Variants in AGAP1 observed in about 807,000 individuals in gnomAD.
The protein encoded by AGAP1 is ArfGAP with GTPase domain, ankyrin repeat and PH domain 1, also known as arf-GAP with GTPase, ANK repeat and PH domain-containing protein 1.
AGAP1 carries 29 observed loss-of-function variants against 105.3 expected under a neutral mutation model. The observed-to-expected ratio is 0.28, with a 90% confidence interval of 0.21 to 0.38. The LOEUF (loss-of-function observed/expected upper bound fraction) is 0.38. Among genes scored for constraint, AGAP1 ranks in the 10% least tolerant of loss-of-function variants. The pLI is 1.00. For synonymous variants in AGAP1, 509 were observed against 485.9 expected (o/e 1.05, Z -0.63); for missense variants, 998 against 1,165.1 (o/e 0.86, Z 2.09).
chr2:236,017,605 C>T (rs975399388), intron 13 of AGAP1, among the ~76,000 whole-genome samples: 14 of 152,170 alleles, frequency 9.2e-5, no homozygotes, highest in African/African-American at 2.4e-4. Context: ...AGAGGGAGAA[C>T]TTGAGCTTCA....
chr2:235,749,961 AC>A (rs1348313969), intron 5 of AGAP1, among the ~76,000 whole-genome samples: 1 of 152,210 alleles, frequency 6.6e-6, no homozygotes, highest in Non-Finnish European at 1.5e-5. Flanking sequence ...AAGTGACCAC[AC>A]CTAGAAGAAG....
Position 235,905,231 on chromosome 2 carries a change from C to A in AGAP1, c.1156-3507C>A, listed in dbSNP as rs537648444. Among the ~76,000 whole-genome samples, 5 of 152,250 alleles carry A rather than the reference C, an allele frequency of 3.3e-5. No homozygotes were observed. In the South Asian group the frequency reaches 8.3e-4, roughly 25 times the overall value. On this transcript the variant is annotated intron_variant, in intron 10 of 17. Coordinates refer to ENST00000304032, the MANE Select transcript of AGAP1 (RefSeq NM_001037131.3). The surrounding 1 kb of genome is among the most constrained non-coding windows in gnomAD (Gnocchi z 4.2). ...TTAGCCTCATTTTAGAGCCCATAAG[C>A]AATAAATGCTCAATTACACTCCTGT...
rs1019943963 is a variant in AGAP1 at position 235,622,450 on chromosome 2, G to A, written c.164-86729G>A. Among the ~76,000 whole-genome samples the A allele has an allele frequency of 5.9e-5, 9 of 152,186 alleles. No homozygotes were observed. Among genetic ancestry groups the A allele is most frequent in the Admixed American group, 5.9e-4 (9 of 15,288 alleles). On this transcript the variant is annotated intron_variant, in intron 1 of 17. Transcript: ENST00000304032. This position sits in a 1 kb window ranked among gnomAD's most constrained non-coding sequence, Gnocchi z 5.0. Reference sequence around the variant, plus strand: ...GGGGTGATGAATGGATCTAGACCTGGTGCCTGGACTCAATCTGCAGAGACA... The same window carrying A: ...GGGGTGATGAATGGATCTAGACCTGATGCCTGGACTCAATCTGCAGAGACA...
chr2:235,742,898 G>A (rs1402675337), intron 4 of AGAP1, among the ~76,000 whole-genome samples: 5 of 152,156 alleles, frequency 3.3e-5, no homozygotes, highest in South Asian at 2.1e-4. Context: ...TAGGTGCAGC[G>A]GCTCACACCT....
chr2:235,565,355 A>G (rs1163456039), intron 1 of AGAP1, among the ~76,000 whole-genome samples: 1 of 152,260 alleles, frequency 6.6e-6, no homozygotes, highest in Non-Finnish European at 1.5e-5. Flanking sequence ...ACCAAGGTGA[A>G]GAGGTCCCAC....
Position 235,789,973 on chromosome 2 carries a change from G to T in AGAP1, c.674-7786G>T, listed in dbSNP as rs1238753399. Among the ~76,000 whole-genome samples, 2 of 152,124 alleles carry T rather than the reference G, an allele frequency of 1.3e-5. No homozygotes were observed. The highest frequency in any genetic ancestry group is 2.9e-5 in the Non-Finnish European group (2 of 68,036). On this transcript the variant is annotated intron_variant, in intron 6 of 17. Coordinates refer to ENST00000304032, the MANE Select transcript of AGAP1 (RefSeq NM_001037131.3). This position sits in a 1 kb window ranked among gnomAD's most constrained non-coding sequence, Gnocchi z 4.2. Reference sequence around the variant, plus strand: ...GTTCTGATTGGAAAATTACTCTGATGGTTTAGAATTTGTCCTGTTGAAATG... The same window carrying T: ...GTTCTGATTGGAAAATTACTCTGATTGTTTAGAATTTGTCCTGTTGAAATG...
Position 235,586,224 on chromosome 2 carries a change from C to A in AGAP1, c.163+91375C>A, listed in dbSNP as rs540587608. The stretch of plus-strand genomic sequence containing the variant: ...ACACAAAGAGGGTGAGCCCTCAGCC[C>A]GCCATACGGGCATGTTATCCAGAAG... On this transcript the variant is annotated intron_variant, in intron 1 of 17. Transcript: ENST00000304032. The surrounding 1 kb of genome is among the most constrained non-coding windows in gnomAD (Gnocchi z 4.2). 6.6e-6 allele frequency among the ~76,000 whole-genome samples: 1 copy of A among 152,186 alleles called. No homozygotes were observed. Among genetic ancestry groups the A allele is most frequent in the Non-Finnish European group, 1.5e-5 (1 of 68,042 alleles).
At chr2:235,902,677 GCA>G (rs1227051830) in intron 10 of AGAP1, among the ~76,000 whole-genome samples, 3 of 152,100 alleles carry the variant, frequency 2.0e-5, no homozygotes, top group African/African-American at 7.2e-5. Flanking sequence ...TCAATGTCTG[GCA>G]CAGTCATTCT....
At chr2:235,558,324 G>A (rs1277745759) in intron 1 of AGAP1, among the ~76,000 whole-genome samples, 1 of 152,114 alleles carries the variant, frequency 6.6e-6, no homozygotes, top group Non-Finnish European at 1.5e-5. Context: ...TCCCTGACAG[G>A]CTTCTGTGCT....
In AGAP1 at chr2:236,123,555, T is replaced by C. The variant is rs1248852629; in HGVS notation, c.2371-364T>C. ...TGGGTGATTTTTTTTCTTCTTGAGCTGTTATGTGTTATTTGTGTATTTCCT... is the reference window on the plus strand; with the variant it reads ...TGGGTGATTTTTTTTCTTCTTGAGCCGTTATGTGTTATTTGTGTATTTCCT... On this transcript the variant is annotated intron_variant, in intron 17 of 17. Transcript: ENST00000304032. The surrounding 1 kb of genome is among the most constrained non-coding windows in gnomAD (Gnocchi z 4.6). 6.6e-6 allele frequency among the ~76,000 whole-genome samples: 1 copy of C among 152,212 alleles called. No homozygotes were observed. The highest frequency in any genetic ancestry group is 1.5e-5 in the Non-Finnish European group (1 of 68,036).
At chr2:235,704,631 C>CGAGT (rs1950433563) in intron 1 of AGAP1, among the ~76,000 whole-genome samples, 1 of 152,142 alleles carries the variant, frequency 6.6e-6, no homozygotes, top group Non-Finnish European at 1.5e-5. Flanking sequence ...GGCAACAGAG[C>CGAGT]GAGACTCCGT....
At chr2:235,837,333 G>A (rs1485049947) in intron 9 of AGAP1, among the ~76,000 whole-genome samples, 1 of 152,120 alleles carries the variant, frequency 6.6e-6, no homozygotes, top group Non-Finnish European at 1.5e-5. Flanking sequence ...ATTAACAGCG[G>A]TTACATTAAA....
At position 235,689,236 on chromosome 2, in the gene AGAP1, G is replaced by A. The variant is rs1418041751; in HGVS notation, c.164-19943G>A. The stretch of plus-strand genomic sequence containing the variant: ...TGCCTTGGACACTCTTCATTCGCTA[G>A]CACCGAGATGGTTCAGGGCACTTTG... On this transcript the variant is annotated intron_variant, in intron 1 of 17. Coordinates refer to ENST00000304032, the MANE Select transcript of AGAP1 (RefSeq NM_001037131.3). This position sits in a 1 kb window ranked among gnomAD's most constrained non-coding sequence, Gnocchi z 4.2. Among the ~76,000 whole-genome samples the A allele has an allele frequency of 6.6e-6, 1 of 152,164 alleles. No individual in the cohort carries two copies. The highest frequency in any genetic ancestry group is 1.5e-5 in the Non-Finnish European group (1 of 68,044).
chr2:235,530,183 G>T (rs1048480709), intron 1 of AGAP1, among the ~76,000 whole-genome samples: 1 of 152,144 alleles, frequency 6.6e-6, no homozygotes, highest in South Asian at 2.1e-4. Context: ...GCAGGTTCAC[G>T]AACTGACCAG....
At chr2:235,954,397 C>T (rs910088078) in intron 12 of AGAP1, among the ~76,000 whole-genome samples, 4 of 152,098 alleles carry the variant, frequency 2.6e-5, no homozygotes, top group Non-Finnish European at 5.9e-5. Flanking sequence ...TTCAGCCCTC[C>T]AAGCGCTGCT....
intron 1 of AGAP1, among the ~76,000 whole-genome samples, chr2:235,658,203 C>T (rs555878279): frequency 6.6e-6 from 1 of 152,138 alleles, no homozygotes; most frequent in African/African-American, 2.4e-5. Flanking sequence ...TTTTCCTTTA[C>T]ACTTTTGCAA....
chr2:235,698,420 T>C (rs1950099545), intron 1 of AGAP1, among the ~76,000 whole-genome samples: 1 of 152,188 alleles, frequency 6.6e-6, no homozygotes, highest in Non-Finnish European at 1.5e-5. Context: ...AATAGCTGTC[T>C]ACTCTTACAT....
Position 235,957,958 on chromosome 2 carries a change from G to A in AGAP1, c.1484-10504G>A, listed in dbSNP as rs1239714245. ...GATTTTTAGTCATGTACCTGACACT[G>A]CCAAATAGGTAAATTAAGGTGTGGG... On this transcript the variant is annotated intron_variant, in intron 12 of 17. Coordinates refer to ENST00000304032, the MANE Select transcript of AGAP1 (RefSeq NM_001037131.3). The surrounding 1 kb of genome is among the most constrained non-coding windows in gnomAD (Gnocchi z 4.6). Among the ~76,000 whole-genome samples, 1 of 152,198 alleles carries A rather than the reference G, an allele frequency of 6.6e-6. No homozygotes were observed. The highest frequency in any genetic ancestry group is 1.5e-5 in the Non-Finnish European group (1 of 68,038).
In AGAP1 at chr2:235,566,642, T is replaced by A. The variant is rs1010246642; in HGVS notation, c.163+71793T>A. ...TTATTTATGTTGTATGCCTGACACCTTCCTCATGCCGCAGGACCAGCCGGG... is the reference window on the plus strand; with the variant it reads ...TTATTTATGTTGTATGCCTGACACCATCCTCATGCCGCAGGACCAGCCGGG... On this transcript the variant is annotated intron_variant, in intron 1 of 17. Transcript: ENST00000304032. This position sits in a 1 kb window ranked among gnomAD's most constrained non-coding sequence, Gnocchi z 5.2. The A allele has an allele frequency of 5.1e-6, 5 of 976,568 alleles. No individual in the cohort carries two copies. In the African/African-American group the frequency reaches 8.8e-5, roughly 17 times the overall value. The allele number at this position is 976,568 out of a possible 1,614,324, so 60.5% of individuals were successfully genotyped here.
Sources: allele counts gnomAD v4.1 joint callset (sites outside exome capture counted in the v4.1 genomes callset), GRCh38; gene constraint gnomAD v4.1.1; non-coding constraint Gnocchi (gnomAD v3.1); transcripts MANE v1.5; gene names NCBI Gene and HGNC (gene_info 2026-07-23, HGNC 2026-07-21).